Variants in NCOA1 observed in about 807,000 individuals in gnomAD.
NCOA1 encodes the protein nuclear receptor coactivator 1.
In NCOA1, 35 loss-of-function variants were observed where a neutral mutation model predicts 150.9. The observed-to-expected ratio is 0.23, with a 90% confidence interval of 0.18 to 0.31. NCOA1 has a LOEUF of 0.31. Ranked by LOEUF, NCOA1 falls within the 10% of genes least tolerant of loss-of-function variation. NCOA1 has a pLI of 1.00. For missense variants in NCOA1, 1,491 were observed against 1,749.3 expected, an observed-to-expected ratio of 0.85 and a Z score of 2.63; for synonymous variants, 590 against 630.0, an observed-to-expected ratio of 0.94 and a Z score of 0.95.
intron 2 of NCOA1, among the ~76,000 whole-genome samples, chr2:24,567,199 A>G (rs1000102963): frequency 6.6e-6 from 1 of 152,252 alleles, no homozygotes; most frequent in Admixed American, 6.5e-5. Flanking sequence ...CAGATGAAAA[A>G]GAGGTTACTT....
chr2:24,738,515 G>A (rs892287120), intron 17 of NCOA1, among the ~76,000 whole-genome samples: 23 of 152,168 alleles, frequency 1.5e-4, no homozygotes, highest in African/African-American at 5.5e-4. Flanking sequence ...CCTAATCCTG[G>A]TCTAGACTGA....
At chr2:24,655,426 CATAT>C (rs1670894918) in intron 4 of NCOA1, among the ~76,000 whole-genome samples, 1 of 152,094 alleles carries the variant, frequency 6.6e-6, no homozygotes, top group Non-Finnish European at 1.5e-5. Flanking sequence ...TAATACATGG[CATAT>C]ATAATCTATG....
intron 1 of NCOA1, among the ~76,000 whole-genome samples, chr2:24,560,627 C>G (rs900575537): frequency 2.0e-5 from 3 of 152,166 alleles, no homozygotes; most frequent in Non-Finnish European, 4.4e-5. Flanking sequence ...GCTATTTCCT[C>G]CATGAAGCCT....
At chr2:24,765,372 G>GC (rs749499190) in intron 22 of NCOA1, among the ~76,000 whole-genome samples, 1 of 151,672 alleles carries the variant, frequency 6.6e-6, no homozygotes, top group Non-Finnish European at 1.5e-5. Flanking sequence ...GGTGGCGGGC[G>GC]CCTGTAGTCT....
chr2:24,618,365 T>C (rs1378543644), intron 3 of NCOA1, among the ~76,000 whole-genome samples: 2 of 152,208 alleles, frequency 1.3e-5, no homozygotes, highest in Non-Finnish European at 2.9e-5. Context: ...AGTTCTTCAC[T>C]TGCTTCACTG....
chr2:24,645,685 A>G (rs1670437616), intron 4 of NCOA1, among the ~76,000 whole-genome samples: 1 of 152,148 alleles, frequency 6.6e-6, no homozygotes, highest in Non-Finnish European at 1.5e-5. Flanking sequence ...CAGTATACTT[A>G]TCAGCTGAGC....
At chr2:24,690,651 CAAAAAAAAAAA>C (rs70947837) in intron 8 of NCOA1, among the ~76,000 whole-genome samples, 665 of 38,448 alleles carry the variant, frequency 0.017, 10 homozygotes, top group African/African-American at 0.076. Flanking sequence ...GATTCCATCT[CAAAAAAAAAAA>C]AAAAAAAAAA....
intron 4 of NCOA1, among the ~76,000 whole-genome samples, chr2:24,645,593 A>AGG (rs1208599922): frequency 6.6e-6 from 1 of 151,856 alleles, no homozygotes; most frequent in African/African-American, 2.4e-5. Flanking sequence ...CTGATGATAC[A>AGG]TTTGTATTTA....
Position 24,721,545 on chromosome 2 carries a change from C to T in NCOA1, c.2600-5044C>T, listed in dbSNP as rs62142348. Among the ~76,000 whole-genome samples the T allele has an allele frequency of 1.2e-4, 19 of 152,320 alleles. No individual in the cohort carries two copies. The South Asian group carries it at 3.9e-3, about 32-fold the overall frequency. On this transcript the variant is annotated intron_variant, in intron 14 of 22. Coordinates refer to ENST00000348332, the MANE Select transcript of NCOA1 (RefSeq NM_003743.5). ...CTTCTCAGTTGTTGTGAGGAATAGG[C>T]CTTGGAGGTGGGGAAACCCCTTGTG...
intron 1 of NCOA1, among the ~76,000 whole-genome samples, chr2:24,547,001 C>G (rs1163408730): frequency 6.6e-6 from 1 of 152,188 alleles, no homozygotes; most frequent in Non-Finnish European, 1.5e-5. Context: ...GAGCAAGTCA[C>G]AAGGCCAGCC....
chr2:24,744,514 G>A (rs2148666675), intron 19 of NCOA1, among the ~76,000 whole-genome samples: 1 of 152,346 alleles, frequency 6.6e-6, no homozygotes, highest in South Asian at 2.1e-4. Context: ...AAATTGATCA[G>A]CAGTCTGGTA....
intron 19 of NCOA1, among the ~76,000 whole-genome samples, chr2:24,748,611 G>A (rs143328507): frequency 3.1e-5 from 3 of 95,618 alleles, no homozygotes; most frequent in Non-Finnish European, 6.7e-5. Flanking sequence ...AGTGAAACTC[G>A]GTCTCAAAAA....
At chr2:24,602,475 A>G (rs531063364) in intron 3 of NCOA1, among the ~76,000 whole-genome samples, 1 of 152,198 alleles carries the variant, frequency 6.6e-6, no homozygotes, top group Non-Finnish European at 1.5e-5. Flanking sequence ...TGCTGGGATT[A>G]CGGGCATGTG....
intron 1 of NCOA1, among the ~76,000 whole-genome samples, chr2:24,538,195 G>A (rs1665245784): frequency 6.6e-6 from 1 of 152,174 alleles, no homozygotes. Context: ...TTTATGGCCT[G>A]AAATGAATAC....
At chr2:24,607,655 A>G (rs1460436251) in intron 3 of NCOA1, among the ~76,000 whole-genome samples, 2 of 151,534 alleles carry the variant, frequency 1.3e-5, no homozygotes, top group Non-Finnish European at 2.9e-5. Context: ...GTGCTACTGC[A>G]CTCCAGCCTG....
chr2:24,496,226 ATTT>A (rs1436216826), intron 1 of NCOA1, among the ~76,000 whole-genome samples: 1 of 152,146 alleles, frequency 6.6e-6, no homozygotes. Flanking sequence ...TTCTAAAAAA[ATTT>A]TTTTATGTTA....
chr2:24,600,788 T>G (rs1300803627), intron 3 of NCOA1, among the ~76,000 whole-genome samples: 1 of 152,262 alleles, frequency 6.6e-6, no homozygotes, highest in Non-Finnish European at 1.5e-5. Context: ...TTATTGCCTC[T>G]TACTATTATT....
intron 21 of NCOA1, among the ~76,000 whole-genome samples, chr2:24,760,601 C>T (rs560580483): frequency 6.6e-6 from 1 of 152,240 alleles, no homozygotes; most frequent in Non-Finnish European, 1.5e-5. Context: ...AGATGTTGCT[C>T]CACTACAGTG....
At chr2:24,673,526 CT>C in intron 7 of NCOA1, 63 bp downstream of exon 7, 1 of 1,093,840 alleles carries the variant, frequency 9.1e-7, no homozygotes, top group Non-Finnish European at 1.3e-6. Flanking sequence ...TTGGTTTTTT[CT>C]TTTTTAAATG....
Sources: allele counts gnomAD v4.1 joint callset (sites outside exome capture counted in the v4.1 genomes callset), GRCh38; gene constraint gnomAD v4.1.1; transcripts MANE v1.5; gene names NCBI Gene and HGNC (gene_info 2026-07-23, HGNC 2026-07-21).